The following COL5A3 variants were observed in gnomAD, a reference collection of about 807,000 sequenced individuals.
COL5A3 encodes the protein collagen alpha-3(V) chain.
In COL5A3, 172 loss-of-function variants were observed where a neutral mutation model predicts 250.0. The observed-to-expected ratio is 0.69, with a 90% CI of 0.61 to 0.78. The LOEUF is 0.78. Among genes scored for constraint, COL5A3 ranks in the 30% least tolerant of loss-of-function variants. The pLI, the probability that COL5A3 is intolerant of heterozygous loss-of-function variation, is 0.00. For missense variants in COL5A3, 2,340 were observed against 2,334.4 expected, an observed-to-expected ratio of 1.00 and a Z score of -0.05; for synonymous variants, 937 against 900.4, an observed-to-expected ratio of 1.04 and a Z score of -0.73.
chr19:9,971,333 T>C, intron 51 of COL5A3, 75 bp from the exon 52 acceptor site: 2 of 1,171,018 alleles, frequency 1.7e-6, no homozygotes, highest in Non-Finnish European at 2.4e-6. Flanking sequence ...AGATCAACTG[T>C]ATCCAGGAAC....
rs1171192564 is a variant in COL5A3, at chr19:10,003,727, T to G, written c.700-13A>C. The G allele has an allele frequency of 6.2e-7, 1 of 1,613,626 alleles. No individual in the cohort carries two copies. The highest frequency in any genetic ancestry group is 8.5e-7 in the Non-Finnish European group (1 of 1,179,964). ...CACCCTGGGGAGCCTGGGAGAAGGG[T>G]TCCAGTCAGGTCTAGAGCATCCCAC... is the stretch of plus-strand genomic sequence containing the variant. On this transcript the variant is annotated splice_polypyrimidine_tract_variant and intron_variant, in intron 5 of 66. Transcript: ENST00000264828.
At chr19:9,974,501 A>G (rs2086893988) in intron 45 of COL5A3, 93 bp from the exon 46 acceptor site, 1 of 950,020 alleles carries the variant, frequency 1.1e-6, no homozygotes, top group Non-Finnish European at 1.5e-6. Context: ...TAAGGGTTGG[A>G]GTCAGGGTTC....
rs1336235307 is a variant in COL5A3, at chr19:9,989,005, A to C, written c.2145+119T>G. 9.9e-6 allele frequency: 10 copies of C among 1,014,978 alleles called. No homozygotes were observed. In the East Asian group the frequency reaches 2.4e-4, roughly 24 times the overall value. 62.9% of individuals were successfully genotyped at this position (1,014,978 alleles called of 1,614,324 possible). ...TGCAGCTCCAAACCCCAGTCCCACT[A>C]CATTTGGCCTGGCCAACTGATTCCC... On this transcript the variant is annotated intron_variant, in intron 27 of 66. Transcript: ENST00000264828.
intron 64 of COL5A3, 109 bp from the exon 65 acceptor site, chr19:9,962,996 T>C: frequency 1.2e-6 from 1 of 805,414 alleles, no homozygotes; most frequent in Non-Finnish European, 2.0e-6. Flanking sequence ...GTCAGGATGT[T>C]CTCTGGCTTC....
chr19:9,972,861 T>G lies in COL5A3; in HGVS notation c.3774+58A>C. On this transcript the variant is annotated intron_variant, in intron 51 of 66. Transcript: ENST00000264828. Reference sequence around the variant, plus strand: ...AAAAAAAAAAAAAGTTTGGGAGAGCTTCAAGTACATTCAAGTGCCCCCTCC... The same window carrying G: ...AAAAAAAAAAAAAGTTTGGGAGAGCGTCAAGTACATTCAAGTGCCCCCTCC... 3.0e-6 allele frequency: 4 copies of G among 1,335,406 alleles called. No homozygotes were observed. The South Asian group carries it at 5.9e-5, about 20-fold the overall frequency. 82.7% of individuals were successfully genotyped at this position (1,335,406 alleles called of 1,614,324 possible). A position where few individuals can be genotyped will look rare whatever the true frequency, so the allele number is the denominator to read the frequency against.
chr19:9,980,217 G>T (rs763748204), intron 35 of COL5A3, among the ~76,000 whole-genome samples, 170 bp from the exon 36 acceptor site: 1 of 152,192 alleles, frequency 6.6e-6, no homozygotes, highest in African/African-American at 2.4e-5. Flanking sequence ...GTAGCCCTTT[G>T]GGTTGGAGAC....
intron 53 of COL5A3, 71 bp from the exon 54 acceptor site, chr19:9,970,746 T>A: frequency 7.8e-7 from 1 of 1,279,406 alleles, no homozygotes; most frequent in Non-Finnish European, 1.0e-6. Context: ...TAGGACGCCT[T>A]GGACCAGAGG....
rs1568411061 is a variant in COL5A3 at position 9,974,157 on chromosome 19, C to T, written c.3504+14G>A. On this transcript the variant is annotated intron_variant, in intron 47 of 66. Transcript: ENST00000264828. ...ACCATCCTCCCCCTCCCACCTTCCTCTGGGAGTGCATACCATGGACCCGAC... is the reference window on the plus strand; with the variant it reads ...ACCATCCTCCCCCTCCCACCTTCCTTTGGGAGTGCATACCATGGACCCGAC... 1 of 1,612,856 alleles carries T rather than the reference C, an allele frequency of 6.2e-7. No individual in the cohort carries two copies. Among genetic ancestry groups the T allele is most frequent in the Non-Finnish European group, 8.5e-7 (1 of 1,179,108 alleles).
chr19:9,990,833 G>A (rs766519055), intron 24 of COL5A3, among the ~76,000 whole-genome samples: 1 of 152,236 alleles, frequency 6.6e-6, no homozygotes, highest in Non-Finnish European at 1.5e-5. Flanking sequence ...AAAGTGCTAG[G>A]ATTACAGGTG....
Position 9,989,342 on chromosome 19 carries a change from T to TGG in COL5A3, c.2069_2070dup (p.Thr691ProfsTer25), listed in dbSNP as rs1568422896. 1 of 1,614,200 alleles carries TGG rather than the reference T, an allele frequency of 6.2e-7. No homozygotes were observed. On this transcript the variant is annotated frameshift_variant, in exon 26 of 67. Coordinates refer to ENST00000264828, the MANE Select transcript of COL5A3 (RefSeq NM_015719.4). LOFTEE classifies it high-confidence loss of function. ...CTCACCTGAGCCCCTTTCTCTCCCG[T>TGG]GGGGCCCTCATGTCCTGGGTGACCC...
chr19:9,996,166 A>G (rs760555074), intron 14 of COL5A3, 40 bp downstream of exon 14: 2 of 1,552,928 alleles, frequency 1.3e-6, no homozygotes, highest in South Asian at 2.5e-5. Flanking sequence ...ATTCTTCACT[A>G]ATGCATGCAC....
rs374842097 is a variant in COL5A3, at chr19:9,962,136, T to G, written c.4851+683A>C. The stretch of plus-strand genomic sequence containing the variant: ...CTTTTTTTTTTTTTGAGACGGAATC[T>G]CGCTCTGTTGCCCAGGCTGGAGTGC... On this transcript the variant is annotated intron_variant, in intron 65 of 66. Coordinates refer to ENST00000264828, the MANE Select transcript of COL5A3 (RefSeq NM_015719.4). Among the ~76,000 whole-genome samples, 278 of 151,810 alleles carry G rather than the reference T, an allele frequency of 1.8e-3. 11 individuals are homozygous for G. The South Asian group carries it at 0.056, about 31-fold the overall frequency.
intron 18 of COL5A3, 34 bp from the exon 19 acceptor site, chr19:9,993,467 A>C: frequency 6.2e-7 from 1 of 1,612,536 alleles, no homozygotes; most frequent in African/African-American, 1.3e-5. Context: ...TCAGAGTGGA[A>C]GGGTGTGGGC....
chr19:9,977,914 G>GAACAAAAGC (rs2086946250), intron 41 of COL5A3, among the ~76,000 whole-genome samples: 1 of 144,694 alleles, frequency 6.9e-6, no homozygotes. Flanking sequence ...ATCTCACTTA[G>GAACAAAAGC]AACAAAAGCC....
chr19:9,973,875 T>G (rs2287811), intron 48 of COL5A3, 44 bp downstream of exon 48: 899,876 of 1,603,030 alleles, frequency 0.56, 258,216 homozygotes, highest in African/African-American at 0.91. Context: ...TAGGAAATGG[T>G]TGTCCCCATC....
rs1435826854 is a variant in COL5A3 at position 9,965,673 on chromosome 19, G to A, written c.4782+641C>T. 2.7e-5 allele frequency among the ~76,000 whole-genome samples: 4 copies of A among 148,000 alleles called. No homozygotes were observed. In the East Asian group the frequency reaches 8.1e-4, roughly 30 times the overall value. ...TCACCATGTTGGTCAGCCTTGTCTC[G>A]AACTCCTGACCTCAGGTGATCTGCC... On this transcript the variant is annotated intron_variant, in intron 64 of 66. Coordinates refer to ENST00000264828, the MANE Select transcript of COL5A3 (RefSeq NM_015719.4).
chr19:9,992,072 C>T (rs1004506187), intron 21 of COL5A3, 24 bp from the exon 22 acceptor site: 2 of 1,611,552 alleles, frequency 1.2e-6, no homozygotes, highest in Non-Finnish European at 8.5e-7. Context: ...GGATGTGAGA[C>T]CAAGACAGAG....
Position 9,960,822 on chromosome 19 carries a change from A to G in COL5A3, c.4920T>C (p.Ser1640=). The stretch of plus-strand genomic sequence containing the variant: ...AGGTGAAGTTCTGGCGAGCTGTGGC[A>G]CTCAGCAGTTTCAGGAAGTTCAGCT... ...VVQLNFLKLL[S]ATARQNFTYS... Residue 1640 remains serine (S), a synonymous_variant, in exon 66 of 67, where the codon AGT becomes AGC. Coordinates refer to ENST00000264828, the MANE Select transcript of COL5A3 (RefSeq NM_015719.4). The G allele has an allele frequency of 6.2e-7, 1 of 1,613,294 alleles. No individual in the cohort carries two copies. The highest frequency in any genetic ancestry group is 1.7e-5 in the Admixed American group (1 of 59,992).
At chr19:9,999,211 G>T (rs79612764) in intron 8 of COL5A3, among the ~76,000 whole-genome samples, 39,479 of 120,738 alleles carry the variant, frequency 0.33, 5,768 homozygotes, top group Middle Eastern at 0.42. Flanking sequence ...TTTTTTTTTT[G>T]ACACAGGGTC....
Sources: allele counts gnomAD v4.1 joint callset (sites outside exome capture counted in the v4.1 genomes callset), GRCh38; gene constraint gnomAD v4.1.1; transcripts MANE v1.5; gene names NCBI Gene and HGNC (gene_info 2026-07-23, HGNC 2026-07-21).